Variants in GPM6A observed in about 807,000 individuals in gnomAD.
GPM6A encodes the protein glycoprotein M6A, also known as neuronal membrane glycoprotein M6-a.
In GPM6A, 7 loss-of-function variants were observed where a neutral mutation model predicts 32.1. The ratio of observed to expected loss-of-function variants is 0.22; its 90% CI spans 0.12 to 0.41. The LOEUF (loss-of-function observed/expected upper bound fraction) is 0.41, where lower values mean the gene tolerates loss of function less well. GPM6A is among the 10% of genes least tolerant of loss of function. The pLI is 1.00. For missense variants in GPM6A, 235 were observed against 347.2 expected (o/e 0.68, Z 2.57); for synonymous variants, 130 against 123.4 (o/e 1.05, Z -0.35).
upstream of GPM6A, among the ~76,000 whole-genome samples, chr4:175,813,980 TGAGA>T (rs150667626): frequency 0.06 from 9,205 of 152,166 alleles, 851 homozygotes; most frequent in African/African-American, 0.21. Context: ...GTGCACAGAT[TGAGA>T]GAGAGAAACC....
At chr4:175,973,564 T>C (rs1447630580) in intron 1 of GPM6A, among the ~76,000 whole-genome samples, 1 of 152,240 alleles carries the variant, frequency 6.6e-6, no homozygotes, top group African/African-American at 2.4e-5. Context: ...GATGAATAAA[T>C]GCAATTTTCA....
At chr4:175,861,823 T>C (rs1011475743) in intron 1 of GPM6A, among the ~76,000 whole-genome samples, 92 of 151,686 alleles carry the variant, frequency 6.1e-4, no homozygotes, top group African/African-American at 1.9e-3. Flanking sequence ...ACATTTTATT[T>C]TTCACTATCC....
intron 2 of GPM6A, among the ~76,000 whole-genome samples, chr4:175,695,379 G>A (rs1040942384): frequency 3.3e-5 from 5 of 152,216 alleles, no homozygotes; most frequent in Non-Finnish European, 7.3e-5. Context: ...ACAGCCACAA[G>A]GACTGAACCC....
intron 1 of GPM6A, among the ~76,000 whole-genome samples, chr4:175,744,117 GAGTA>G (rs1732000822): frequency 6.6e-6 from 1 of 152,032 alleles, no homozygotes. Context: ...ATAGGCCGTA[GAGTA>G]AGTAATAAAC....
rs34163669 is a variant in GPM6A at position 175,976,328 on chromosome 4, A to ATT, written c.-23+25979_-23+25980dup. ...AGGCGCCTGCCACCACGCCTGGCTA[A>ATT]TTTTTTTTTTTGTATTTTTAGTAGA... On this transcript the variant is annotated intron_variant, in intron 1 of 7. Coordinates refer to the GPM6A transcript ENST00000280187. Among the ~76,000 whole-genome samples the ATT allele has an allele frequency of 3.1e-3, 428 of 137,292 alleles. 6 individuals carry two copies. Among genetic ancestry groups the ATT allele is most frequent in the South Asian group, 0.018 (76 of 4,252 alleles). The allele number at this position is 137,292 out of a possible 152,430, so 90.1% of individuals were successfully genotyped here.
At chr4:175,814,288 GAAAACAA>G (rs1322523350), upstream of GPM6A, among the ~76,000 whole-genome samples, 2 of 152,120 alleles carry the variant, frequency 1.3e-5, no homozygotes, top group African/African-American at 2.4e-5. Flanking sequence ...ACTTTATGAT[GAAAACAA>G]AAAACAAAAA....
chr4:175,869,105 C>A (rs1413258158), intron 1 of GPM6A, among the ~76,000 whole-genome samples: 1 of 152,146 alleles, frequency 6.6e-6, no homozygotes, highest in Admixed American at 6.5e-5. Flanking sequence ...TCATGCCTAA[C>A]AAAATCACAA....
At chr4:175,764,872 T>C (rs1033838257) in intron 1 of GPM6A, among the ~76,000 whole-genome samples, 1 of 148,004 alleles carries the variant, frequency 6.8e-6, no homozygotes, top group Admixed American at 6.8e-5. Flanking sequence ...ATTATTATTA[T>C]TATTATTATT....
At chr4:175,701,438 C>T in intron 2 of GPM6A, 137 bp downstream of exon 2, 4 of 658,222 alleles carry the variant, frequency 6.1e-6, no homozygotes, top group Admixed American at 2.7e-5. Flanking sequence ...CATGATTACC[C>T]TTTTGAATCA....
chr4:175,842,962 C>G (rs1249546720), intron 1 of GPM6A, among the ~76,000 whole-genome samples: 1 of 150,980 alleles, frequency 6.6e-6, no homozygotes, highest in Non-Finnish European at 1.5e-5. Context: ...CATAATTTTT[C>G]TTTAATTTTA....
At chr4:175,742,972 C>A (rs1030361032) in intron 1 of GPM6A, among the ~76,000 whole-genome samples, 26 of 151,922 alleles carry the variant, frequency 1.7e-4, no homozygotes, top group African/African-American at 6.3e-4. Flanking sequence ...CATTGTAAGA[C>A]CCCATTCGCC....
At chr4:175,815,828 C>T (rs1439868102), upstream of GPM6A, among the ~76,000 whole-genome samples, 1 of 150,136 alleles carries the variant, frequency 6.7e-6, no homozygotes, top group Non-Finnish European at 1.5e-5. Flanking sequence ...AGCGATTCTC[C>T]TGCCTCAGCC....
intron 1 of GPM6A, among the ~76,000 whole-genome samples, chr4:175,734,157 TA>T (rs1328537663): frequency 0.01 from 871 of 86,214 alleles, 5 homozygotes; most frequent in South Asian, 0.013. Flanking sequence ...TATATATATA[TA>T]TATTTTTTAA....
At chr4:175,771,709 G>C (rs949500784) in intron 1 of GPM6A, among the ~76,000 whole-genome samples, 2 of 152,082 alleles carry the variant, frequency 1.3e-5, no homozygotes, top group African/African-American at 4.8e-5. Context: ...TAGCCAGATA[G>C]ATGGCTCATT....
chr4:175,894,961 C>T (rs1429768602), intron 1 of GPM6A, among the ~76,000 whole-genome samples: 3 of 152,172 alleles, frequency 2.0e-5, no homozygotes, highest in African/African-American at 4.8e-5. Context: ...CACACTGCTT[C>T]CCAAATCAGT....
At chr4:175,933,416 T>C (rs1040781803) in intron 1 of GPM6A, among the ~76,000 whole-genome samples, 6 of 152,260 alleles carry the variant, frequency 3.9e-5, no homozygotes, top group African/African-American at 1.4e-4. Context: ...AATGATACAG[T>C]TTTGGAAAAC....
Position 175,856,546 on chromosome 4 carries a change from C to T in GPM6A, c.-22-44297G>A, listed in dbSNP as rs575272877. The stretch of plus-strand genomic sequence containing the variant: ...TGCTGATGGCTTAAGTGTCAAACAG[C>T]TCAGTGAAGAGTCAGTATGATAGCC... On this transcript the variant is annotated intron_variant, in intron 1 of 7. Coordinates refer to the GPM6A transcript ENST00000280187. Among the ~76,000 whole-genome samples, 8 of 152,326 alleles carry T rather than the reference C, an allele frequency of 5.3e-5. No homozygotes were observed. The South Asian group carries it at 1.0e-3, about 20-fold the overall frequency.
chr4:175,676,531 T>C (rs1743375716), intron 2 of GPM6A, among the ~76,000 whole-genome samples: 1 of 152,206 alleles, frequency 6.6e-6, no homozygotes, highest in South Asian at 2.1e-4. Flanking sequence ...AGAGGATCAC[T>C]TGAACCATAG....
intron 1 of GPM6A, among the ~76,000 whole-genome samples, chr4:175,876,560 G>T (rs183058170): frequency 1.3e-5 from 2 of 152,042 alleles, no homozygotes; most frequent in African/African-American, 4.8e-5. Context: ...CATGGTAACC[G>T]CATCCTTCCA....
Sources: allele counts gnomAD v4.1 joint callset (sites outside exome capture counted in the v4.1 genomes callset), GRCh38; gene constraint gnomAD v4.1.1; transcripts MANE v1.5; gene names NCBI Gene and HGNC (gene_info 2026-07-23, HGNC 2026-07-21).